Variants in ZBTB43 observed in about 807,000 individuals in gnomAD.
ZBTB43 encodes zinc finger and BTB domain containing 43.
A neutral mutation model predicts 31.1 loss-of-function variants in ZBTB43; 6 were observed. That is an observed-to-expected ratio of 0.19 (90% confidence interval 0.11 to 0.38). The LOEUF (loss-of-function observed/expected upper bound fraction) is 0.38. Among genes scored for constraint, ZBTB43 ranks in the 10% least tolerant of loss-of-function variants. ZBTB43 has a pLI of 1.00. For synonymous variants in ZBTB43, 212 were observed against 221.7 expected, an observed-to-expected ratio of 0.96 and a Z score of 0.39; for missense variants, 379 against 602.1, an observed-to-expected ratio of 0.63 and a Z score of 3.88.
chr9:126,828,559 G>T (rs1197669400), intron 2 of ZBTB43, among the ~76,000 whole-genome samples: 2 of 149,296 alleles, frequency 1.3e-5, no homozygotes, highest in Admixed American at 1.3e-4. Flanking sequence ...CTGGGAGGCC[G>T]AGGCGGGAGG....
At chr9:126,830,920 C>G (rs1197049670) in intron 2 of ZBTB43, among the ~76,000 whole-genome samples, 2 of 152,146 alleles carry the variant, frequency 1.3e-5, no homozygotes, top group African/African-American at 4.8e-5. Context: ...ACTTTGTCTT[C>G]TGATCGACTC....
At chr9:126,828,725 A>C (rs558284020) in intron 2 of ZBTB43, among the ~76,000 whole-genome samples, 106 of 150,158 alleles carry the variant, frequency 7.1e-4, no homozygotes, top group Non-Finnish European at 1.1e-3. Context: ...CCCTGGAGCA[A>C]AGAGTAAAAG....
intron 2 of ZBTB43, among the ~76,000 whole-genome samples, chr9:126,810,632 C>T (rs1172962935): frequency 6.6e-6 from 1 of 151,180 alleles, no homozygotes; most frequent in Non-Finnish European, 1.5e-5. Flanking sequence ...TCCCAGGTAG[C>T]TGGGACTACA....
Position 126,836,376 on chromosome 9 carries a change from C to T in ZBTB43, c.*2463C>T, listed in dbSNP as rs2032879019. ...CTAAATGTAGAACTTAAATAAGTTG[C>T]TCACATCTGTTCTTTTAGTGTTTTG... On this transcript the variant is annotated 3_prime_UTR_variant, in exon 3 of 3. Transcript: ENST00000373464. 6.0e-6 allele frequency: 1 copy of T among 167,052 alleles called. No homozygotes were observed. The highest frequency in any genetic ancestry group is 2.1e-4 in the South Asian group (1 of 4,830). The allele number at this position is 167,052 out of a possible 1,614,324, so 10.3% of individuals were successfully genotyped here.
intron 2 of ZBTB43, among the ~76,000 whole-genome samples, chr9:126,827,171 G>A (rs113944030): frequency 0.011 from 1,736 of 152,110 alleles, 29 homozygotes; most frequent in African/African-American, 0.04. Flanking sequence ...TCTCTTATCC[G>A]TGCAAACCAG....
At position 126,834,791 on chromosome 9, in the gene ZBTB43, C is replaced by T. The variant is rs375214520; in HGVS notation, c.*878C>T. On this transcript the variant is annotated 3_prime_UTR_variant, in exon 3 of 3. Coordinates refer to ENST00000373464, the MANE Select transcript of ZBTB43 (RefSeq NM_014007.4). The stretch of plus-strand genomic sequence containing the variant: ...CAAGCTGCTGTGACTGACCACGGTA[C>T]CACGGGCTGCCACAGCCCCTGCTCT... 16 of 167,160 alleles carry T rather than the reference C, an allele frequency of 9.6e-5. No homozygotes were observed. Among genetic ancestry groups the T allele is most frequent in the African/African-American group, 3.8e-4 (16 of 41,562 alleles). 10.4% of individuals were successfully genotyped at this position (167,160 alleles called of 1,614,324 possible). A position where few individuals can be genotyped will look rare whatever the true frequency, so the allele number is the denominator to read the frequency against.
chr9:126,835,769 GT>G lies in ZBTB43; in HGVS notation c.*1858del, dbSNP rs1309834799. 29 of 165,420 alleles carry G rather than the reference GT, an allele frequency of 1.8e-4. No individual in the cohort carries two copies. Among genetic ancestry groups the G allele is most frequent in the Non-Finnish European group, 2.9e-4 (20 of 67,886 alleles). The allele number at this position is 165,420 out of a possible 1,614,324, so 10.2% of individuals were successfully genotyped here. On this transcript the variant is annotated 3_prime_UTR_variant, in exon 3 of 3. Coordinates refer to ENST00000373464, the MANE Select transcript of ZBTB43 (RefSeq NM_014007.4). ...CCTAGAAACTAGATATTACCTCTTG[GT>G]TGTTTGCCACATTAATAGCTTCTCT...
chr9:126,808,644 T>C (rs1320620065), intron 1 of ZBTB43, 149 bp from the exon 2 acceptor site: 2 of 152,216 alleles, frequency 1.3e-5, no homozygotes, highest in Non-Finnish European at 2.9e-5. Context: ...GCAGGAGCTA[T>C]GAAGTTGCAG....
Position 126,835,373 on chromosome 9 carries a change from T to A in ZBTB43, c.*1460T>A, listed in dbSNP as rs2032857391. 6.0e-6 allele frequency: 1 copy of A among 167,092 alleles called. No individual in the cohort carries two copies. Among genetic ancestry groups the A allele is most frequent in the South Asian group, 2.1e-4 (1 of 4,834 alleles). 10.4% of individuals were successfully genotyped at this position (167,092 alleles called of 1,614,324 possible). A position where few individuals can be genotyped will look rare whatever the true frequency, so the allele number is the denominator to read the frequency against. On this transcript the variant is annotated 3_prime_UTR_variant, in exon 3 of 3. Coordinates refer to ENST00000373464, the MANE Select transcript of ZBTB43 (RefSeq NM_014007.4). ...AGGTTATCACCAGGGTAGGACAGGG[T>A]GCTACTACCATGTCATCTTTTCCAC...
intron 2 of ZBTB43, among the ~76,000 whole-genome samples, chr9:126,809,192 A>T (rs144830052): frequency 1.1e-4 from 16 of 152,330 alleles, no homozygotes; most frequent in African/African-American, 3.8e-4. Context: ...TGCTGTTTGA[A>T]TGCTGACATG....
Position 126,833,326 on chromosome 9 carries a change from A to G in ZBTB43, c.817A>G (p.Ile273Val), listed in dbSNP as rs777768927. The G allele has an allele frequency of 1.9e-6, 3 of 1,613,002 alleles. No homozygotes were observed. The Admixed American group carries it at 5.0e-5, about 27-fold the overall frequency. The change falls in exon 3 of 3, where the codon ATC (isoleucine) becomes GTC (valine). Residue 273 changes from isoleucine (I) to valine (V), a missense_variant. Physicochemically the swap from Ile to Val is conservative, Grantham distance 29. Transcript: ENST00000373464. This position sits in a 1 kb window ranked among gnomAD's most constrained non-coding sequence, Gnocchi z 7.9. ...TYDEHQVTES[I>V]NTVQTEHTVQ... is the part of the protein sequence containing the mutation. ...CGACGAGCACCAGGTCACAGAGTCCATCAACACCGTGCAGACAGAGCACAC... is the reference window on the plus strand; with the variant it reads ...CGACGAGCACCAGGTCACAGAGTCCGTCAACACCGTGCAGACAGAGCACAC...
At chr9:126,819,070 T>G (rs2032454541) in intron 2 of ZBTB43, among the ~76,000 whole-genome samples, 1 of 152,176 alleles carries the variant, frequency 6.6e-6, no homozygotes, top group South Asian at 2.1e-4. Flanking sequence ...ATTTATTAGT[T>G]TTTCAGTTTT....
Position 126,809,557 on chromosome 9 carries a change from G to A in ZBTB43, c.-24+642G>A, listed in dbSNP as rs142116866. 3.4e-3 allele frequency among the ~76,000 whole-genome samples: 515 copies of A among 152,256 alleles called. 3 individuals are homozygous for A. Among genetic ancestry groups the A allele is most frequent in the Non-Finnish European group, 5.7e-3 (390 of 68,028 alleles). On this transcript the variant is annotated intron_variant, in intron 2 of 2. Coordinates refer to ENST00000373464, the MANE Select transcript of ZBTB43 (RefSeq NM_014007.4). The stretch of plus-strand genomic sequence containing the variant: ...ATATTGCTGTCATCTGTGTTTTTAG[G>A]ATGTTTAATAGGTGTTTAAATCACG...
At chr9:126,808,021 T>G (rs938572911) in intron 1 of ZBTB43, among the ~76,000 whole-genome samples, 1 of 152,200 alleles carries the variant, frequency 6.6e-6, no homozygotes, top group Non-Finnish European at 1.5e-5. Context: ...GGAAAAAATA[T>G]TTTTTAAAAT....
intron 2 of ZBTB43, among the ~76,000 whole-genome samples, chr9:126,827,817 G>C (rs2032675851): frequency 6.6e-6 from 1 of 151,680 alleles, no homozygotes; most frequent in Non-Finnish European, 1.5e-5. Context: ...AGATCAGCCT[G>C]ACCAACATGG....
intron 2 of ZBTB43, chr9:126,831,918 A>G (rs2032771643): frequency 6.6e-6 from 1 of 151,428 alleles, no homozygotes; most frequent in African/African-American, 2.4e-5. Flanking sequence ...AGATCACACC[A>G]TTGCACTCCA....
intron 2 of ZBTB43, among the ~76,000 whole-genome samples, chr9:126,816,857 G>T (rs1180673378): frequency 6.6e-6 from 1 of 152,132 alleles, no homozygotes; most frequent in African/African-American, 2.4e-5. Context: ...CCTTCCTGGG[G>T]CTACGGAGTC....
At position 126,822,151 on chromosome 9, in the gene ZBTB43, C is replaced by T. The variant is rs886850420; in HGVS notation, c.-23-10336C>T. On this transcript the variant is annotated intron_variant, in intron 2 of 2. Coordinates refer to ENST00000373464, the MANE Select transcript of ZBTB43 (RefSeq NM_014007.4). ...GATTACAGGCATGAGCCACCATGCT[C>T]GGCCGAGATTTTTTTTTTTTTTTTT... Among the ~76,000 whole-genome samples the T allele has an allele frequency of 1.2e-4, 18 of 149,664 alleles. No homozygotes were observed. In the South Asian group the frequency reaches 1.9e-3, roughly 16 times the overall value.
At chr9:126,826,485 A>G (rs2032642359) in intron 2 of ZBTB43, among the ~76,000 whole-genome samples, 1 of 40,570 alleles carries the variant, frequency 2.5e-5, no homozygotes, top group Non-Finnish European at 5.4e-5. Context: ...TTTTTTTGAG[A>G]CAGAATCTCG....
Sources: allele counts gnomAD v4.1 joint callset (sites outside exome capture counted in the v4.1 genomes callset), GRCh38; gene constraint gnomAD v4.1.1; non-coding constraint Gnocchi (gnomAD v3.1); transcripts MANE v1.5; gene names NCBI Gene and HGNC (gene_info 2026-07-23, HGNC 2026-07-21).